The following REXO5 variants were observed in gnomAD, a reference collection of about 807,000 sequenced individuals.
REXO5 encodes the protein exonuclease NEF-sp.
Under a neutral mutation model 88.5 loss-of-function variants are expected in REXO5, and 48 were observed. That is an observed-to-expected ratio of 0.54 (90% CI 0.43 to 0.69). REXO5 has a LOEUF of 0.69. Among genes scored for constraint, REXO5 ranks in the 30% least tolerant of loss-of-function variants. The pLI is 0.00. For synonymous variants in REXO5, 311 were observed against 336.5 expected, an observed-to-expected ratio of 0.92 and a Z score of 0.83; for missense variants, 749 against 912.2, an observed-to-expected ratio of 0.82 and a Z score of 2.30.
chr16:20,833,260 C>G lies in REXO5; in HGVS notation c.1383+137C>G, dbSNP rs943556288. The G allele has an allele frequency of 1.0e-5, 9 of 894,352 alleles. No individual in the cohort carries two copies. In the African/African-American group the frequency reaches 1.2e-4, roughly 12 times the overall value. 55.4% of individuals were successfully genotyped at this position (894,352 alleles called of 1,614,324 possible). A position where few individuals can be genotyped will look rare whatever the true frequency, so the allele number is the denominator to read the frequency against. On this transcript the variant is annotated intron_variant, in intron 13 of 19. Transcript: ENST00000261377. ...AGCAAGCCTGGCTTGTGTCTCACAT[C>G]TTGTATGGAGTACCTAAGTCCTCAT... is the stretch of plus-strand genomic sequence containing the variant.
At chr16:20,822,044 C>T in intron 6 of REXO5, 142 bp downstream of exon 6, 1 of 839,966 alleles carries the variant, frequency 1.2e-6, no homozygotes, top group Non-Finnish European at 1.7e-6. Flanking sequence ...GAGGAAATAT[C>T]TTCGGCACAG....
intron 5 of REXO5, among the ~76,000 whole-genome samples, chr16:20,820,546 T>TATATATA (rs2081167098): frequency 1.1e-4 from 2 of 17,454 alleles, no homozygotes; most frequent in African/African-American, 4.5e-4. Flanking sequence ...ATATATATAT[T>TATATATA]TTTTTTTTTT....
chr16:20,807,183 G>C, intron 2 of REXO5, 92 bp downstream of exon 2: 2 of 1,463,172 alleles, frequency 1.4e-6, no homozygotes, highest in South Asian at 1.3e-5. Context: ...GGATTCGGGC[G>C]GGCTCTCCGC....
intron 6 of REXO5, among the ~76,000 whole-genome samples, chr16:20,824,121 CTT>C (rs1428355577): frequency 6.6e-6 from 1 of 152,288 alleles, no homozygotes; most frequent in East Asian, 1.9e-4. Context: ...CGCCTAATGA[CTT>C]TGGGTTTAGC....
Position 20,828,530 on chromosome 16 carries a change from C to CA in REXO5, c.1157dup (p.Ile387AspfsTer11). On this transcript the variant is annotated frameshift_variant, in exon 11 of 20. Transcript: ENST00000261377. LOFTEE classifies it high-confidence loss of function. ...GCTCGGTATTTCCTTAAGCATGGCCCAAAAAAGGTTAGTATCTTTGCCCAG... is the reference window on the plus strand; with the variant it reads ...GCTCGGTATTTCCTTAAGCATGGCCCAAAAAAAGGTTAGTATCTTTGCCCAG... 1.2e-6 allele frequency: 2 copies of CA among 1,610,408 alleles called. No homozygotes were observed. Among genetic ancestry groups the CA allele is most frequent in the Non-Finnish European group, 1.7e-6 (2 of 1,176,900 alleles).
intron 18 of REXO5, 103 bp from the exon 19 acceptor site, chr16:20,846,118 C>G: frequency 1.1e-6 from 1 of 900,818 alleles, no homozygotes. Context: ...GGAACCTTTA[C>G]TGGAATCCCA....
chr16:20,819,073 C>T (rs902578777), intron 5 of REXO5, among the ~76,000 whole-genome samples: 10 of 152,168 alleles, frequency 6.6e-5, no homozygotes, highest in African/African-American at 2.4e-4. Flanking sequence ...CTTCCAGTTC[C>T]ATCCATGTCC....
rs140157734 is a variant in REXO5, at chr16:20,835,686, G to A, written c.1383+2563G>A. Among the ~76,000 whole-genome samples the A allele has an allele frequency of 1.8e-4, 27 of 149,948 alleles. No homozygotes were observed. The East Asian group carries it at 5.1e-3, about 28-fold the overall frequency. On this transcript the variant is annotated intron_variant, in intron 13 of 19. Transcript: ENST00000261377. The stretch of plus-strand genomic sequence containing the variant: ...CTTACATGGGCCTCAAGGGCTCTTT[G>A]GGCATTATTATTGTTATTTTAATAG...
At chr16:20,836,337 T>A (rs1490040225) in intron 13 of REXO5, among the ~76,000 whole-genome samples, 5 of 152,212 alleles carry the variant, frequency 3.3e-5, no homozygotes, top group Non-Finnish European at 2.9e-5. Context: ...ACTGTCTCCA[T>A]AATTTTGCCT....
At chr16:20,817,894 T>G (rs1299218799) in intron 5 of REXO5, among the ~76,000 whole-genome samples, 2 of 152,214 alleles carry the variant, frequency 1.3e-5, no homozygotes, top group Non-Finnish European at 2.9e-5. Context: ...ATATTCCAAT[T>G]GCTATTTGGA....
rs1040868313 is a variant in REXO5 at position 20,833,016 on chromosome 16, T to C, written c.1276T>C (p.Leu426=). The change falls in exon 13 of 20, where the codon TTG becomes CTG. Residue 426 remains leucine (L), a synonymous_variant. Transcript: ENST00000261377. ...QHPNTSVLEC[L]DSVGQKLLFL... The stretch of plus-strand genomic sequence containing the variant: ...ACTTCTTTATAGTGTTTTAGAATGC[T>C]TGGATTCAGTGGGTCAGAAGCTTCT... 6.2e-7 allele frequency: 1 copy of C among 1,613,480 alleles called. No individual in the cohort carries two copies. Among genetic ancestry groups the C allele is most frequent in the African/African-American group, 1.3e-5 (1 of 74,926 alleles).
intron 1 of REXO5, 121 bp from the exon 2 acceptor site, chr16:20,806,831 A>T: frequency 7.2e-7 from 1 of 1,396,028 alleles, no homozygotes; most frequent in Non-Finnish European, 9.5e-7. Context: ...AACTGAATTG[A>T]GAAGCGGATC....
At chr16:20,822,069 G>A (rs2081194015) in intron 6 of REXO5, among the ~76,000 whole-genome samples, 167 bp downstream of exon 6, 1 of 152,208 alleles carries the variant, frequency 6.6e-6, no homozygotes, top group African/African-American at 2.4e-5. Flanking sequence ...TCTCAAAAGT[G>A]TGTGATGTCT....
At chr16:20,835,495 C>G (rs1000737466) in intron 13 of REXO5, among the ~76,000 whole-genome samples, 1 of 152,104 alleles carries the variant, frequency 6.6e-6, no homozygotes, top group Non-Finnish European at 1.5e-5. Context: ...CTTTCCTTGA[C>G]CTCGCATAGT....
chr16:20,828,795 C>T lies in REXO5; in HGVS notation c.1158+258C>T, dbSNP rs184127416. Among the ~76,000 whole-genome samples the T allele has an allele frequency of 2.5e-4, 38 of 152,012 alleles. No individual in the cohort carries two copies. In the East Asian group the frequency reaches 5.6e-3, roughly 22 times the overall value. On this transcript the variant is annotated intron_variant, in intron 11 of 19. Coordinates refer to ENST00000261377, the MANE Select transcript of REXO5 (RefSeq NM_030941.3). ...TACAAAAATTAGCCAGGTGTGGTGG[C>T]GCGTGCCTGTAGTCCCAGCTACTCC...
intron 14 of REXO5, 151 bp downstream of exon 14, chr16:20,840,010 A>C: frequency 1.6e-6 from 1 of 614,556 alleles, no homozygotes. Context: ...ATTTTTATGA[A>C]AATGGGAATC....
chr16:20,833,825 C>G (rs2081384292), intron 13 of REXO5, among the ~76,000 whole-genome samples: 1 of 152,184 alleles, frequency 6.6e-6, no homozygotes, highest in Non-Finnish European at 1.5e-5. Context: ...TATATAACCA[C>G]ATCTTAACAT....
chr16:20,817,031 G>C (rs1446445638), intron 5 of REXO5, among the ~76,000 whole-genome samples: 7 of 152,196 alleles, frequency 4.6e-5, no homozygotes, highest in African/African-American at 1.7e-4. Context: ...GAAGGTGAGT[G>C]ATAGAGTAGT....
rs369902303 is a variant in REXO5 at position 20,841,970 on chromosome 16, G to A, written c.1626+1502G>A. Among the ~76,000 whole-genome samples, 139 of 152,300 alleles carry A rather than the reference G, an allele frequency of 9.1e-4. 4 individuals are homozygous for A. The South Asian group carries it at 0.028, about 31-fold the overall frequency. On this transcript the variant is annotated intron_variant, in intron 15 of 19. Transcript: ENST00000261377. ...AGATTGTCCCTGAGAAGATGGATTG[G>A]GGGATGAGAAGTGTATAGCAAGGGA...
Sources: allele counts gnomAD v4.1 joint callset (sites outside exome capture counted in the v4.1 genomes callset), GRCh38; gene constraint gnomAD v4.1.1; transcripts MANE v1.5; gene names NCBI Gene and HGNC (gene_info 2026-07-23, HGNC 2026-07-21).